Variants in RARB observed in about 807,000 individuals in gnomAD.
RARB encodes HBV-activated protein.
Under a neutral mutation model 51.9 loss-of-function variants are expected in RARB, and 17 were observed. The ratio of observed to expected loss-of-function variants is 0.33; its 90% confidence interval spans 0.22 to 0.49. RARB has a LOEUF of 0.49. RARB is among the 20% of genes least tolerant of loss of function. The pLI, the probability that RARB is intolerant of heterozygous loss-of-function variation, is 0.99. For synonymous variants in RARB, 215 were observed against 195.4 expected (o/e 1.10, Z -0.84); for missense variants, 369 against 550.8 (o/e 0.67, Z 3.30).
At chr3:25,545,089 G>T (rs1699564676) in intron 3 of RARB, among the ~76,000 whole-genome samples, 1 of 152,062 alleles carries the variant, frequency 6.6e-6, no homozygotes, top group South Asian at 2.1e-4. Context: ...AGCCTCCAAA[G>T]TAGCCACCAC....
chr3:25,583,313 T>C (rs80020258), intron 5 of RARB, among the ~76,000 whole-genome samples: 3 of 152,168 alleles, frequency 2.0e-5, no homozygotes, highest in African/African-American at 7.2e-5. Flanking sequence ...GTCATTGATA[T>C]ATGGATAGAG....
At chr3:25,311,976 T>C (rs569737361) in intron 5 of RARB, among the ~76,000 whole-genome samples, 2 of 152,178 alleles carry the variant, frequency 1.3e-5, no homozygotes, top group African/African-American at 4.8e-5. Flanking sequence ...CTCATTAATG[T>C]TGTACTTGGT....
At chr3:25,540,250 C>T (rs555263312) in intron 3 of RARB, among the ~76,000 whole-genome samples, 5 of 152,268 alleles carry the variant, frequency 3.3e-5, no homozygotes, top group East Asian at 1.9e-4. Context: ...ATATCTGCTT[C>T]GTGATTTTAA....
intron 3 of RARB, among the ~76,000 whole-genome samples, chr3:25,512,171 T>C (rs557891050): frequency 6.6e-6 from 1 of 152,304 alleles, no homozygotes; most frequent in South Asian, 2.1e-4. Context: ...TTAGCTCCTG[T>C]TACTGTTCCG....
chr3:25,342,486 C>T (rs542501111), intron 5 of RARB, among the ~76,000 whole-genome samples: 4 of 152,158 alleles, frequency 2.6e-5, no homozygotes, highest in African/African-American at 7.2e-5. Flanking sequence ...TTTTGGTCAA[C>T]AGGATAAAAA....
chr3:25,150,209 A>C (rs1422577273), intron 4 of RARB, among the ~76,000 whole-genome samples: 2 of 152,122 alleles, frequency 1.3e-5, no homozygotes, highest in African/African-American at 4.8e-5. Flanking sequence ...TCAAAAAAAA[A>C]AAAAAATTGT....
intron 5 of RARB, among the ~76,000 whole-genome samples, chr3:25,588,708 C>T (rs558860271): frequency 5.3e-5 from 8 of 152,248 alleles, no homozygotes; most frequent in Middle Eastern, 3.4e-3. Context: ...GGAAGCTCTC[C>T]GCCTCCACAA....
At chr3:24,862,722 C>A (rs937264) in intron 2 of RARB, among the ~76,000 whole-genome samples, 3 of 152,076 alleles carry the variant, frequency 2.0e-5, no homozygotes, top group Non-Finnish European at 4.4e-5. Context: ...GTATGCCCCA[C>A]GTATAAGGAG....
intron 2 of RARB, among the ~76,000 whole-genome samples, chr3:25,046,857 GT>G (rs1229245145): frequency 4.6e-5 from 7 of 152,176 alleles, no homozygotes; most frequent in African/African-American, 1.7e-4. Flanking sequence ...TAATTTATAA[GT>G]TAATACACGT....
chr3:25,286,424 G>A (rs1703659108), intron 5 of RARB, among the ~76,000 whole-genome samples: 1 of 152,134 alleles, frequency 6.6e-6, no homozygotes, highest in African/African-American at 2.4e-5. Flanking sequence ...TCTTGAATAT[G>A]TTATTTTCCT....
intron 3 of RARB, among the ~76,000 whole-genome samples, chr3:25,105,446 T>A (rs898051618): frequency 8.7e-5 from 13 of 149,320 alleles, no homozygotes; most frequent in Admixed American, 4.0e-4. Context: ...AAAAAGAAGA[T>A]TTGTGGTGCC....
intron 5 of RARB, among the ~76,000 whole-genome samples, chr3:25,231,529 T>C (rs142940021): frequency 9.8e-5 from 15 of 152,310 alleles, no homozygotes; most frequent in African/African-American, 3.4e-4. Flanking sequence ...CTCTAAGAAG[T>C]TAAGCTACAT....
rs139108648 is a variant in RARB at position 24,866,321 on chromosome 3, A to G, written c.-380+7569A>G. ...GTCCAGTCCTCAAGCCCACACCTCA[A>G]ATCCACTCTACTCTCAACTCCTCTT... On this transcript the variant is annotated intron_variant, in intron 2 of 11. Transcript: ENST00000383772. Among the ~76,000 whole-genome samples, 7 of 151,926 alleles carry G rather than the reference A, an allele frequency of 4.6e-5. No individual in the cohort carries two copies. The East Asian group carries it at 1.4e-3, about 29-fold the overall frequency.
intron 2 of RARB, chr3:25,462,392 A>G (rs1427825548): frequency 6.6e-6 from 1 of 152,238 alleles, no homozygotes; most frequent in Non-Finnish European, 1.5e-5. Context: ...GCTGTTTTGA[A>G]CTAGCCCTTC....
At chr3:25,294,101 C>T (rs1209502263) in intron 5 of RARB, among the ~76,000 whole-genome samples, 6 of 152,142 alleles carry the variant, frequency 3.9e-5, no homozygotes, top group Non-Finnish European at 2.9e-5. Flanking sequence ...GGAAAGAGCT[C>T]CACATCTGTA....
At chr3:25,051,304 T>C (rs1698327998) in intron 2 of RARB, among the ~76,000 whole-genome samples, 1 of 152,048 alleles carries the variant, frequency 6.6e-6, no homozygotes, top group African/African-American at 2.4e-5. Flanking sequence ...TTATATTTGT[T>C]ATTGTAGGAG....
At chr3:24,829,595 G>T (rs1702253635) in intron 1 of RARB, among the ~76,000 whole-genome samples, 1 of 152,198 alleles carries the variant, frequency 6.6e-6, no homozygotes, top group African/African-American at 2.4e-5. Flanking sequence ...GGTCTGCAGC[G>T]GGAGCCCGCG....
intron 3 of RARB, among the ~76,000 whole-genome samples, chr3:25,539,175 G>T (rs1699263024): frequency 6.6e-6 from 1 of 152,106 alleles, no homozygotes; most frequent in African/African-American, 2.4e-5. Context: ...GAACTTTAAG[G>T]TTTGAAAGAG....
At chr3:25,042,366 CCA>C (rs1186974597) in intron 2 of RARB, among the ~76,000 whole-genome samples, 1 of 152,132 alleles carries the variant, frequency 6.6e-6, no homozygotes, top group African/African-American at 2.4e-5. Flanking sequence ...GAAACTGTGT[CCA>C]GAGCCAAGAC....
Sources: allele counts gnomAD v4.1 joint callset (sites outside exome capture counted in the v4.1 genomes callset), GRCh38; gene constraint gnomAD v4.1.1; transcripts MANE v1.5; gene names NCBI Gene and HGNC (gene_info 2026-07-23, HGNC 2026-07-21).